Variants in GRB14 observed in about 807,000 individuals in gnomAD.
The protein encoded by GRB14 is growth factor receptor bound protein 14, also known as growth factor receptor-bound protein 14.
A neutral mutation model predicts 69.1 loss-of-function variants in GRB14; 38 were observed. That is an observed-to-expected ratio of 0.55 (90% CI 0.42 to 0.72). GRB14 has a LOEUF of 0.72. GRB14 is among the 30% of genes least tolerant of loss of function. The pLI is 0.00. For missense variants in GRB14, 666 were observed against 666.1 expected (o/e 1.00, Z 0.00); for synonymous variants, 247 against 241.3 (o/e 1.02, Z -0.22).
At chr2:164,531,305 C>T (rs1444662656) in intron 3 of GRB14, among the ~76,000 whole-genome samples, 4 of 152,212 alleles carry the variant, frequency 2.6e-5, no homozygotes, top group Non-Finnish European at 5.9e-5. Context: ...CACAGGTACA[C>T]ATTATTAAAT....
intron 2 of GRB14, among the ~76,000 whole-genome samples, chr2:164,565,429 A>C (rs1574314908): frequency 6.6e-6 from 1 of 152,174 alleles, no homozygotes; most frequent in African/African-American, 2.4e-5. Flanking sequence ...TGGCAATTAT[A>C]CCCACCATAA....
At chr2:164,521,849 G>A (rs1687641544) in intron 6 of GRB14, 131 bp downstream of exon 6, 9 of 777,036 alleles carry the variant, frequency 1.2e-5, no homozygotes, top group Admixed American at 7.7e-5. Context: ...CAAGGCAAAC[G>A]TTTTAAATCA....
At chr2:164,496,399 C>T (rs1686895050) in intron 12 of GRB14, among the ~76,000 whole-genome samples, 1 of 152,058 alleles carries the variant, frequency 6.6e-6, no homozygotes. Context: ...TTTCATAATA[C>T]ATTTTATATT....
chr2:164,555,547 A>AT (rs1688657249), intron 2 of GRB14, among the ~76,000 whole-genome samples: 1 of 151,920 alleles, frequency 6.6e-6, no homozygotes. Context: ...CAAAGTTTCT[A>AT]TTTTAGGAAA....
intron 3 of GRB14, among the ~76,000 whole-genome samples, chr2:164,543,726 T>C (rs1312054947): frequency 6.6e-6 from 1 of 152,222 alleles, no homozygotes; most frequent in Non-Finnish European, 1.5e-5. Flanking sequence ...ACCACTGTAG[T>C]TCTTTCCATT....
chr2:164,599,798 A>G (rs1294839744), intron 2 of GRB14, among the ~76,000 whole-genome samples: 2 of 152,244 alleles, frequency 1.3e-5, no homozygotes, highest in Non-Finnish European at 2.9e-5. Context: ...TCTGTAGAAG[A>G]TATCTGTCTG....
At chr2:164,498,217 T>A (rs1239142927) in intron 9 of GRB14, among the ~76,000 whole-genome samples, 1 of 152,126 alleles carries the variant, frequency 6.6e-6, no homozygotes, top group Non-Finnish European at 1.5e-5. Flanking sequence ...CTTGGCCACA[T>A]GAGGGCTGCA....
intron 6 of GRB14, among the ~76,000 whole-genome samples, chr2:164,514,830 G>A (rs1687436891): frequency 6.6e-6 from 1 of 152,176 alleles, no homozygotes; most frequent in African/African-American, 2.4e-5. Flanking sequence ...TCTCAGCCCT[G>A]TTCACCTGCT....
intron 2 of GRB14, 99 bp downstream of exon 2, chr2:164,619,588 C>T: frequency 1.3e-6 from 1 of 774,854 alleles, no homozygotes; most frequent in Non-Finnish European, 2.1e-6. Flanking sequence ...AGAGCCCATG[C>T]TAATCCTTTG....
At chr2:164,604,640 TAA>T (rs900332670) in intron 2 of GRB14, among the ~76,000 whole-genome samples, 3 of 143,856 alleles carry the variant, frequency 2.1e-5, no homozygotes, top group African/African-American at 2.5e-5. Context: ...TCTTCTTTCT[TAA>T]AAAAAAAAAA....
chr2:164,532,973 T>C (rs768734474), intron 3 of GRB14, among the ~76,000 whole-genome samples: 17 of 151,892 alleles, frequency 1.1e-4, no homozygotes, highest in Non-Finnish European at 1.5e-4. Context: ...TGGATGGTAA[T>C]TGGATGGTGT....
intron 2 of GRB14, among the ~76,000 whole-genome samples, chr2:164,587,192 T>G: frequency 6.6e-6 from 1 of 152,162 alleles, no homozygotes; most frequent in East Asian, 1.9e-4. Context: ...GAAATCAGAC[T>G]GGCAAAAAAA....
rs1314789815 is a variant in GRB14 at position 164,565,413 on chromosome 2, C to T, written c.325-17597G>A. Among the ~76,000 whole-genome samples the T allele has an allele frequency of 2.0e-5, 3 of 152,278 alleles. No individual in the cohort carries two copies. The East Asian group carries it at 5.8e-4, about 29-fold the overall frequency. On this transcript the variant is annotated intron_variant, in intron 2 of 13. Transcript: ENST00000263915. ...AGGATTTGCCTAAGCTAATTCCAGA[C>T]TTGAATGGCAATTATACCCACCATA... is the stretch of plus-strand genomic sequence containing the variant.
At chr2:164,585,085 C>CTT (rs146962375) in intron 2 of GRB14, among the ~76,000 whole-genome samples, 1 of 54,386 alleles carries the variant, frequency 1.8e-5, no homozygotes, top group Admixed American at 2.8e-4. Flanking sequence ...CCATGCCTGG[C>CTT]TTTTTTTTTT....
At chr2:164,610,874 TA>T (rs1294119832) in intron 2 of GRB14, among the ~76,000 whole-genome samples, 504 of 48,152 alleles carry the variant, frequency 0.01, 1 homozygote, top group African/African-American at 0.028. Context: ...AAAAAAAAAT[TA>T]AAAAAAAAAA....
chr2:164,496,336 T>C (rs988302149), intron 12 of GRB14, among the ~76,000 whole-genome samples: 8 of 152,314 alleles, frequency 5.3e-5, no homozygotes, highest in African/African-American at 1.7e-4. Context: ...TTATAGAAAG[T>C]ATCTGAAACA....
chr2:164,587,974 C>T (rs2105343497), intron 2 of GRB14, among the ~76,000 whole-genome samples: 1 of 152,292 alleles, frequency 6.6e-6, no homozygotes, highest in East Asian at 1.9e-4. Flanking sequence ...ACATGTGGTT[C>T]TAAAGGACTG....
chr2:164,604,125 G>A (rs1002668202), intron 2 of GRB14, among the ~76,000 whole-genome samples: 9 of 152,132 alleles, frequency 5.9e-5, no homozygotes, highest in African/African-American at 2.2e-4. Flanking sequence ...AAATGGAGAC[G>A]CATATAGTGC....
intron 2 of GRB14, among the ~76,000 whole-genome samples, chr2:164,557,140 G>T (rs1328029219): frequency 1.3e-5 from 2 of 152,128 alleles, no homozygotes; most frequent in Non-Finnish European, 2.9e-5. Flanking sequence ...CACCTGTGTG[G>T]GACAAACATG....
Sources: allele counts gnomAD v4.1 joint callset (sites outside exome capture counted in the v4.1 genomes callset), GRCh38; gene constraint gnomAD v4.1.1; transcripts MANE v1.5; gene names NCBI Gene and HGNC (gene_info 2026-07-23, HGNC 2026-07-21).